The following PPM1B variants were observed in gnomAD, a reference collection of about 807,000 sequenced individuals.
The protein encoded by PPM1B is protein phosphatase, Mg2+/Mn2+ dependent 1B, also known as protein phosphatase 1B.
Under a neutral mutation model 43.0 loss-of-function variants are expected in PPM1B, and 22 were observed. That is an observed-to-expected ratio of 0.51 (90% CI 0.37 to 0.73). The LOEUF (loss-of-function observed/expected upper bound fraction) is 0.73. Among genes scored for constraint, PPM1B ranks in the 30% least tolerant of loss-of-function variants. The pLI is 0.00. For synonymous variants in PPM1B, 217 were observed against 197.9 expected, an observed-to-expected ratio of 1.10 and a Z score of -0.81; for missense variants, 632 against 584.2, an observed-to-expected ratio of 1.08 and a Z score of -0.84.
In PPM1B at chr2:44,218,465, G is replaced by T. The variant is rs1436401610; in HGVS notation, c.1077-15G>T. ...GTGTAATTTAATAAAACTAAAGCAT[G>T]TTTTTTTTTTTTAGGCGTAATGTTA... On this transcript the variant is annotated splice_polypyrimidine_tract_variant and intron_variant, in intron 4 of 5. Transcript: ENST00000282412. The T allele has an allele frequency of 1.3e-5, 16 of 1,202,164 alleles. No individual in the cohort carries two copies. Among genetic ancestry groups the T allele is most frequent in the East Asian group, 2.9e-5 (1 of 34,962 alleles). 74.5% of individuals were successfully genotyped at this position (1,202,164 alleles called of 1,614,324 possible).
At chr2:44,233,483 A>G (rs1670525817), downstream of PPM1B, 2 of 984,444 alleles carry the variant, frequency 2.0e-6, no homozygotes, top group Middle Eastern at 5.2e-4. Flanking sequence ...CATGAAGAGT[A>G]AAGTATTTAT....
downstream of PPM1B, among the ~76,000 whole-genome samples, chr2:44,238,590 T>C (rs1310949718): frequency 6.6e-6 from 1 of 152,002 alleles, no homozygotes; most frequent in Non-Finnish European, 1.5e-5. Context: ...TAGGCCTAGC[T>C]ACTCAGGAGG....
intron 1 of PPM1B, among the ~76,000 whole-genome samples, chr2:44,181,043 C>T (rs536056602): frequency 6.6e-6 from 1 of 152,104 alleles, no homozygotes; most frequent in Non-Finnish European, 1.5e-5. Context: ...CTCCTAGGTT[C>T]AAGCAGTCGT....
intron 1 of PPM1B, among the ~76,000 whole-genome samples, chr2:44,170,168 A>T (rs1413394148): frequency 6.6e-6 from 1 of 152,192 alleles, no homozygotes; most frequent in Non-Finnish European, 1.5e-5. Context: ...TGCCCATCTT[A>T]TTCGGCAAAA....
At chr2:44,210,738 C>A (rs1414178161) in intron 3 of PPM1B, among the ~76,000 whole-genome samples, 1 of 152,088 alleles carries the variant, frequency 6.6e-6, no homozygotes, top group Non-Finnish European at 1.5e-5. Context: ...ATATTACTAA[C>A]CTTTTTCCTG....
intron 2 of PPM1B, among the ~76,000 whole-genome samples, chr2:44,205,973 G>T (rs942562244): frequency 6.6e-6 from 1 of 152,072 alleles, no homozygotes; most frequent in African/African-American, 2.4e-5. Context: ...CTGAGATCGC[G>T]CCATTGCACT....
At chr2:44,210,649 C>T (rs1334777206) in intron 3 of PPM1B, among the ~76,000 whole-genome samples, 1 of 152,098 alleles carries the variant, frequency 6.6e-6, no homozygotes, top group Non-Finnish European at 1.5e-5. Context: ...TATATACTTT[C>T]TGTAACATTC....
Position 44,218,494 on chromosome 2 carries a change from A to T in PPM1B, c.1091A>T (p.Glu364Val). Residue 364 changes from glutamate (E) to valine (V), a missense_variant, in exon 5 of 6, where the codon GAA (glutamate) becomes GTA (valine). Around this residue, in one of 3 missense-constraint regions of PPM1B, gnomAD observed 392 missense variants for 302.7 expected, o/e 1.29. Coordinates refer to ENST00000282412, the MANE Select transcript of PPM1B (RefSeq NM_002706.6). Reference protein sequence around the residue: ...GGLAGKRNVIEAVYSRLNPHR... With the variant: ...GGLAGKRNVIVAVYSRLNPHR... ...TTTTTTTTTAGGCGTAATGTTATTGAAGCTGTTTATAGTAGACTGAATCCA... is the reference window on the plus strand; with the variant it reads ...TTTTTTTTTAGGCGTAATGTTATTGTAGCTGTTTATAGTAGACTGAATCCA... The T allele has an allele frequency of 6.3e-7, 1 of 1,581,884 alleles. No homozygotes were observed.
intron 3 of PPM1B, among the ~76,000 whole-genome samples, chr2:44,210,719 CT>C (rs1437341444): frequency 1.3e-5 from 2 of 152,112 alleles, no homozygotes; most frequent in African/African-American, 4.8e-5. Context: ...TCTTATTCCC[CT>C]GCCCCCCATA....
chr2:44,179,295 G>A (rs2104013108), intron 1 of PPM1B, among the ~76,000 whole-genome samples: 1 of 152,320 alleles, frequency 6.6e-6, no homozygotes, highest in Non-Finnish European at 1.5e-5. Context: ...TCTTGGGTAT[G>A]TCTTTATCTG....
At chr2:44,181,896 C>G (rs1667891338) in intron 1 of PPM1B, among the ~76,000 whole-genome samples, 1 of 152,158 alleles carries the variant, frequency 6.6e-6, no homozygotes, top group African/African-American at 2.4e-5. Context: ...TAATTATTAT[C>G]TTGGGACCCC....
intron 1 of PPM1B, among the ~76,000 whole-genome samples, chr2:44,186,432 C>T (rs1440647248): frequency 6.6e-6 from 1 of 152,190 alleles, no homozygotes; most frequent in African/African-American, 2.4e-5. Flanking sequence ...GCAGTCATAT[C>T]ATCTCAGCTC....
chr2:44,245,926 ACT>A (rs1461699556), downstream of PPM1B, among the ~76,000 whole-genome samples: 1 of 152,076 alleles, frequency 6.6e-6, no homozygotes. Context: ...CTGTCCTCAA[ACT>A]CTGCGCTTGA....
intron 1 of PPM1B, among the ~76,000 whole-genome samples, chr2:44,176,556 G>A (rs1667591226): frequency 1.3e-5 from 2 of 152,080 alleles, no homozygotes; most frequent in Admixed American, 6.6e-5. Flanking sequence ...ATGTGAGATG[G>A]GCGTATTGCA....
chr2:44,228,715 A>G (rs1288465288), intron 5 of PPM1B, among the ~76,000 whole-genome samples: 1 of 152,182 alleles, frequency 6.6e-6, no homozygotes, highest in Non-Finnish European at 1.5e-5. Flanking sequence ...GATATGTTGG[A>G]ACAGCTGTAT....
chr2:44,215,434 G>A (rs1669675771), intron 3 of PPM1B, among the ~76,000 whole-genome samples: 1 of 151,910 alleles, frequency 6.6e-6, no homozygotes, highest in Admixed American at 6.6e-5. Flanking sequence ...CTCCAGCCTG[G>A]GCCACAGAGT....
At position 44,240,610 on chromosome 2, in the gene PPM1B, C is replaced by T. The variant is rs745382784; in HGVS notation, n.1547-3618C>T. On this transcript the variant is annotated intron_variant and non_coding_transcript_variant, in intron 5 of 5. Coordinates refer to the PPM1B transcript ENST00000378540. ...AAATTTATCTTGATTACTTGCCATT[C>T]CTTAAATTTTGTCCCCAAAGCAAGT... is the stretch of plus-strand genomic sequence containing the variant. Among the ~76,000 whole-genome samples, 28 of 146,002 alleles carry T rather than the reference C, an allele frequency of 1.9e-4. 6 individuals carry two copies. The highest frequency in any genetic ancestry group is 3.5e-4 in the Non-Finnish European group (23 of 65,410).
intron 5 of PPM1B, among the ~76,000 whole-genome samples, chr2:44,229,259 T>A (rs1051075721): frequency 6.6e-5 from 10 of 152,202 alleles, no homozygotes; most frequent in African/African-American, 1.2e-4. Context: ...TTCATTTTTT[T>A]AAATTTATTT....
downstream of PPM1B, chr2:44,234,703 C>G (rs1450142487): frequency 4.3e-6 from 3 of 698,460 alleles, no homozygotes; most frequent in Non-Finnish European, 5.3e-6. Context: ...TATACTCTTA[C>G]AAATTGTATA....
Sources: allele counts gnomAD v4.1 joint callset (sites outside exome capture counted in the v4.1 genomes callset), GRCh38; gene constraint gnomAD v4.1.1; regional missense constraint gnomAD v4.1.1; transcripts MANE v1.5; gene names NCBI Gene and HGNC (gene_info 2026-07-23, HGNC 2026-07-21).